PRKN: variants seen among roughly 807,000 people sequenced by gnomAD.
The protein encoded by PRKN is E3 ubiquitin-protein ligase parkin.
A neutral mutation model predicts 59.5 loss-of-function variants in PRKN; 56 were observed. That is an observed-to-expected ratio of 0.94 (90% CI 0.76 to 1.18). PRKN has a LOEUF of 1.18. Among genes scored for constraint, PRKN ranks in the 50% most tolerant of loss-of-function variants. PRKN has a pLI of 0.00. For synonymous variants in PRKN, 250 were observed against 222.1 expected (o/e 1.13, Z -1.12); for missense variants, 657 against 596.4 (o/e 1.10, Z -1.06).
intron 7 of PRKN, among the ~76,000 whole-genome samples, chr6:161,679,198 T>C (rs1785206086): frequency 1.3e-5 from 2 of 152,204 alleles, no homozygotes; most frequent in Non-Finnish European, 2.9e-5. Flanking sequence ...GGTTTGGGCC[T>C]GGCAGATGTG....
At chr6:162,253,154 T>TCCAC (rs1402644210) in intron 3 of PRKN, among the ~76,000 whole-genome samples, 1 of 152,162 alleles carries the variant, frequency 6.6e-6, no homozygotes, top group Non-Finnish European at 1.5e-5. Flanking sequence ...TTATTTGCCG[T>TCCAC]GGAGTCCAAG....
chr6:161,632,743 G>C (rs1783362411), intron 7 of PRKN, among the ~76,000 whole-genome samples: 1 of 152,126 alleles, frequency 6.6e-6, no homozygotes, highest in South Asian at 2.1e-4. Flanking sequence ...ATGGCAGAAG[G>C]GAAAGCAAAC....
chr6:162,615,254 T>C (rs1219901966), intron 1 of PRKN, among the ~76,000 whole-genome samples: 2 of 152,168 alleles, frequency 1.3e-5, no homozygotes, highest in Non-Finnish European at 2.9e-5. Context: ...GTCAGTTCTA[T>C]GTTTTGGCTT....
intron 1 of PRKN, among the ~76,000 whole-genome samples, chr6:162,461,549 G>C (rs373261058): frequency 1.0e-4 from 9 of 88,548 alleles, no homozygotes; most frequent in African/African-American, 2.0e-4. Context: ...GAAAAGAAAA[G>C]AAAACAAAAA....
rs529021860 is a variant in PRKN at position 161,927,632 on chromosome 6, T to A, written c.734+45670A>T. On this transcript the variant is annotated intron_variant, in intron 6 of 11. Transcript: ENST00000366898. ...GAAATCAATCTAAACAATAATTTCA[T>A]CTTTAATGGAAATGAGAGTAGTTAG... is the stretch of plus-strand genomic sequence containing the variant. Among the ~76,000 whole-genome samples, 25 of 152,316 alleles carry A rather than the reference T, an allele frequency of 1.6e-4. No individual in the cohort carries two copies. In the South Asian group the frequency reaches 3.9e-3, roughly 24 times the overall value.
chr6:161,894,110 C>T (rs1001799336), intron 6 of PRKN, among the ~76,000 whole-genome samples: 2 of 152,166 alleles, frequency 1.3e-5, no homozygotes, highest in African/African-American at 4.8e-5. Flanking sequence ...GGAAAGTTCT[C>T]ACCATTGGAG....
chr6:161,804,473 C>T (rs1791223886), intron 6 of PRKN, among the ~76,000 whole-genome samples: 1 of 152,188 alleles, frequency 6.6e-6, no homozygotes, highest in Non-Finnish European at 1.5e-5. Flanking sequence ...TGAAATCTGC[C>T]TCTGCCATCT....
intron 6 of PRKN, among the ~76,000 whole-genome samples, chr6:161,905,470 T>G (rs1381148849): frequency 1.3e-5 from 2 of 152,130 alleles, no homozygotes; most frequent in East Asian, 3.9e-4. Flanking sequence ...CTTTCCTTCT[T>G]CTTGTTGACA....
chr6:162,548,904 T>C (rs1779225288), intron 1 of PRKN, among the ~76,000 whole-genome samples: 1 of 152,178 alleles, frequency 6.6e-6, no homozygotes, highest in Non-Finnish European at 1.5e-5. Flanking sequence ...ATCTTCCTGC[T>C]GACTAAGGAA....
chr6:162,305,391 T>TA (rs869076711), intron 2 of PRKN, among the ~76,000 whole-genome samples: 14 of 149,468 alleles, frequency 9.4e-5, no homozygotes, highest in African/African-American at 3.2e-4. Flanking sequence ...TCTAATTTTT[T>TA]AAAAAAATTA....
intron 4 of PRKN, among the ~76,000 whole-genome samples, chr6:162,153,891 C>G (rs1782384995): frequency 6.8e-6 from 1 of 146,828 alleles, no homozygotes; most frequent in South Asian, 2.2e-4. Context: ...GTGAGGCGAG[C>G]CATAAGTAGT....
chr6:162,635,509 G>A (rs1326352318), intron 1 of PRKN, among the ~76,000 whole-genome samples: 1 of 152,066 alleles, frequency 6.6e-6, no homozygotes, highest in African/African-American at 2.4e-5. Flanking sequence ...TTTTTACCCT[G>A]AAATTCAAAT....
intron 1 of PRKN, among the ~76,000 whole-genome samples, chr6:162,449,783 T>C (rs1169133878): frequency 6.6e-6 from 1 of 152,144 alleles, no homozygotes; most frequent in African/African-American, 2.4e-5. Flanking sequence ...TATTAAATGC[T>C]ATCGGATCAA....
intron 6 of PRKN, among the ~76,000 whole-genome samples, chr6:161,963,068 A>G (rs905425863): frequency 6.6e-5 from 10 of 152,238 alleles, no homozygotes; most frequent in Admixed American, 6.5e-4. Context: ...GCTTGAACCC[A>G]GGAGGCGGAA....
intron 4 of PRKN, among the ~76,000 whole-genome samples, chr6:162,084,576 T>C (rs553338820): frequency 6.6e-6 from 1 of 152,284 alleles, no homozygotes; most frequent in East Asian, 1.9e-4. Flanking sequence ...ATGAATGTAA[T>C]GAAATAATTG....
At chr6:161,570,132 A>ATAT (rs1780819013) in intron 7 of PRKN, among the ~76,000 whole-genome samples, 2 of 128,396 alleles carry the variant, frequency 1.6e-5, no homozygotes, top group African/African-American at 6.6e-5. Flanking sequence ...GGTAAAAAAA[A>ATAT]AAAAAAAAAA....
At chr6:161,631,031 G>A (rs1582916143) in intron 7 of PRKN, among the ~76,000 whole-genome samples, 1 of 152,224 alleles carries the variant, frequency 6.6e-6, no homozygotes, top group East Asian at 1.9e-4. Flanking sequence ...CGCTTTCTAG[G>A]CAGGCTGCTC....
At chr6:162,428,615 T>C (rs980300783) in intron 2 of PRKN, among the ~76,000 whole-genome samples, 1 of 152,174 alleles carries the variant, frequency 6.6e-6, no homozygotes, top group Non-Finnish European at 1.5e-5. Flanking sequence ...CAAGTATCAA[T>C]GTGTCATACT....
chr6:162,160,639 G>A (rs1488400353), intron 4 of PRKN, among the ~76,000 whole-genome samples: 1 of 151,858 alleles, frequency 6.6e-6, no homozygotes, highest in African/African-American at 2.4e-5. Context: ...AAAAGGAAAC[G>A]TCTGCATGTG....
Sources: gnomAD v4.1 joint callset for allele counts (sites outside exome capture counted in the v4.1 genomes callset) on GRCh38, gnomAD v4.1.1 for gene constraint, MANE v1.5 for transcripts, NCBI Gene and HGNC (gene_info 2026-07-23, HGNC 2026-07-21) for gene names.